Variants in GSE1 observed in about 807,000 individuals in gnomAD.
The protein encoded by GSE1 is genetic suppressor element 1.
GSE1 carries 32 observed loss-of-function variants against 112.6 expected under a neutral mutation model. That is an observed-to-expected ratio of 0.28 (90% confidence interval 0.21 to 0.38). GSE1 has a LOEUF of 0.38. Among genes scored for constraint, GSE1 ranks in the 10% least tolerant of loss-of-function variants. The pLI, the probability that GSE1 is intolerant of heterozygous loss-of-function variation, is 1.00. For synonymous variants in GSE1, 1,115 were observed against 735.6 expected (o/e 1.52, Z -8.35); for missense variants, 2,348 against 1,699.2 (o/e 1.38, Z -6.71).
rs73269241 is a variant in GSE1, at chr16:85,544,379, T to G, written c.2465-89535T>G. ...TGGGGACACATCGAGAATTCCCCCA[T>G]CAGTTCAGGCATGACCCGCTGGAGG... On this transcript the variant is annotated intron_variant, in intron 2 of 2. Coordinates refer to the GSE1 transcript ENST00000637419. 5.3e-3 allele frequency among the ~76,000 whole-genome samples: 803 copies of G among 152,138 alleles called. 8 individuals carry two copies. Among genetic ancestry groups the G allele is most frequent in the African/African-American group, 0.018 (747 of 41,492 alleles).
chr16:85,267,211 G>A (rs887522671), intron 1 of GSE1, among the ~76,000 whole-genome samples: 3 of 152,186 alleles, frequency 2.0e-5, no homozygotes, highest in Non-Finnish European at 4.4e-5. Context: ...GCCTGAGGCC[G>A]AGCCACATCC....
At chr16:85,247,292 C>T (rs1322655317) in intron 1 of GSE1, among the ~76,000 whole-genome samples, 2 of 152,164 alleles carry the variant, frequency 1.3e-5, no homozygotes, top group Non-Finnish European at 2.9e-5. Context: ...GAGTGCTCCA[C>T]AATTGTGTGT....
chr16:85,554,713 TG>T (rs1224479261), upstream of GSE1, among the ~76,000 whole-genome samples: 1 of 137,528 alleles, frequency 7.3e-6, no homozygotes, highest in Non-Finnish European at 1.5e-5. Flanking sequence ...GGTCACGGTT[TG>T]GGGATTCTCC....
chr16:85,641,323 G>T (rs1032224676), intron 2 of GSE1, among the ~76,000 whole-genome samples: 3 of 152,198 alleles, frequency 2.0e-5, no homozygotes, highest in Admixed American at 6.5e-5. Flanking sequence ...CCGGCAAAAC[G>T]CATCTCCAGC....
Position 85,580,835 on chromosome 16 carries a change from C to T in GSE1, c.37+24472C>T, listed in dbSNP as rs531760565. Among the ~76,000 whole-genome samples the T allele has an allele frequency of 5.9e-5, 9 of 152,364 alleles. No individual in the cohort carries two copies. The South Asian group carries it at 8.3e-4, about 14-fold the overall frequency. Reference sequence around the variant, plus strand: ...CGTGAGCTCTCGGCCAGAAGGCAGCCGTCTGCAATCCAAGCAGGGAGCCCT... The same window carrying T: ...CGTGAGCTCTCGGCCAGAAGGCAGCTGTCTGCAATCCAAGCAGGGAGCCCT... On this transcript the variant is annotated intron_variant, in intron 1 of 2. Transcript: ENST00000635906.
At chr16:85,573,345 G>C (rs1481187321) in intron 1 of GSE1, among the ~76,000 whole-genome samples, 1 of 152,120 alleles carries the variant, frequency 6.6e-6, no homozygotes, top group Admixed American at 6.5e-5. Flanking sequence ...GATAGACCAC[G>C]TTCTGTTTCT....
At chr16:85,443,413 T>C (rs914366305) in intron 2 of GSE1, among the ~76,000 whole-genome samples, 5 of 152,294 alleles carry the variant, frequency 3.3e-5, no homozygotes, top group South Asian at 2.1e-4. Context: ...TGTGGCCACT[T>C]CTCCACCTGT....
At chr16:85,653,567 C>T (rs915083003) in intron 3 of GSE1, among the ~76,000 whole-genome samples, 2 of 151,718 alleles carry the variant, frequency 1.3e-5, no homozygotes, top group East Asian at 2.0e-4. Flanking sequence ...ACACCCAGGT[C>T]CACTGTGTCC....
At chr16:85,300,253 C>T (rs769753695) in intron 1 of GSE1, among the ~76,000 whole-genome samples, 52 of 152,284 alleles carry the variant, frequency 3.4e-4, no homozygotes, top group South Asian at 6.2e-4. Context: ...CTCAGGTGAT[C>T]GTCCCACCTC....
chr16:85,195,578 C>T (rs755334213), intron 1 of GSE1, among the ~76,000 whole-genome samples: 18 of 152,172 alleles, frequency 1.2e-4, no homozygotes, highest in Non-Finnish European at 2.1e-4. Context: ...CTTCTTCTGC[C>T]CTATATTTCT....
At chr16:85,638,654 C>G (rs1468281072) in intron 2 of GSE1, among the ~76,000 whole-genome samples, 1 of 148,830 alleles carries the variant, frequency 6.7e-6, no homozygotes, top group African/African-American at 2.5e-5. Context: ...CTCCCACCCC[C>G]GCCTCCCCTT....
At chr16:85,664,431 A>C (rs1274924711) in intron 11 of GSE1, 1 of 152,236 alleles carries the variant, frequency 6.6e-6, no homozygotes, top group African/African-American at 2.4e-5. Flanking sequence ...CGGGCTAGTG[A>C]CGTGTTGATT....
At chr16:85,388,119 GACGGATGGA>G (rs2047733302) in intron 2 of GSE1, among the ~76,000 whole-genome samples, 1 of 149,866 alleles carries the variant, frequency 6.7e-6, no homozygotes, top group Non-Finnish European at 1.5e-5. Flanking sequence ...TGGGTAAGTG[GACGGATGGA>G]TGGATGGATG....
intron 1 of GSE1, among the ~76,000 whole-genome samples, chr16:85,243,387 A>T (rs1430490871): frequency 6.6e-6 from 1 of 152,184 alleles, no homozygotes; most frequent in East Asian, 1.9e-4. Context: ...AGTGGGGCTT[A>T]CCCCAAACGG....
chr16:85,303,409 T>A (rs959912558), intron 1 of GSE1, among the ~76,000 whole-genome samples: 5 of 152,164 alleles, frequency 3.3e-5, no homozygotes, highest in African/African-American at 1.2e-4. Context: ...CACCTGTCGG[T>A]CTGACGGTGC....
At chr16:85,241,867 C>T (rs933946240) in intron 1 of GSE1, among the ~76,000 whole-genome samples, 68 of 152,242 alleles carry the variant, frequency 4.5e-4, no homozygotes, top group African/African-American at 1.6e-3. Context: ...AATAGACCCC[C>T]TCCCCGGGCA....
intron 2 of GSE1, among the ~76,000 whole-genome samples, chr16:85,383,013 C>T (rs569531958): frequency 1.4e-4 from 21 of 151,738 alleles, no homozygotes; most frequent in African/African-American, 3.6e-4. Flanking sequence ...CATGCACACA[C>T]GGTTGCACCC....
intron 2 of GSE1, among the ~76,000 whole-genome samples, chr16:85,495,842 A>G (rs891982477): frequency 6.6e-6 from 1 of 152,098 alleles, no homozygotes; most frequent in Non-Finnish European, 1.5e-5. Context: ...TTAAGGCCTA[A>G]TCAAGGCCTC....
At position 85,648,565 on chromosome 16, in the gene GSE1, C is replaced by A; in HGVS notation, c.240C>A (p.Ser80Arg). Residue 80 changes from serine (S) to arginine (R), a missense_variant, in exon 3 of 16, where the codon AGC (serine) becomes AGA (arginine). Ser to Arg is a moderately radical substitution (Grantham distance 110). Coordinates refer to ENST00000253458, the MANE Select transcript of GSE1 (RefSeq NM_014615.5). ...QAEEPRGSSL[S>R]SESSPVSSPA... is the part of the protein sequence containing the mutation. ...TCTCCTCCACAGGGTCCTCACTGAGCAGCGAGTCGTCCCCCGTGTCCTCTC... is the reference window on the plus strand; with the variant it reads ...TCTCCTCCACAGGGTCCTCACTGAGAAGCGAGTCGTCCCCCGTGTCCTCTC... 6.4e-7 allele frequency: 1 copy of A among 1,565,000 alleles called. No homozygotes were observed. The highest frequency in any genetic ancestry group is 8.7e-7 in the Non-Finnish European group (1 of 1,154,642).
Sources: allele counts gnomAD v4.1 joint callset (sites outside exome capture counted in the v4.1 genomes callset), GRCh38; gene constraint gnomAD v4.1.1; transcripts MANE v1.5; gene names NCBI Gene and HGNC (gene_info 2026-07-23, HGNC 2026-07-21).